Variants in KLB observed in about 807,000 individuals in gnomAD.
KLB encodes klotho beta.
A neutral mutation model predicts 88.4 loss-of-function variants in KLB; 44 were observed. That is an observed-to-expected ratio of 0.50 (90% CI 0.39 to 0.64). KLB has a LOEUF of 0.64. Among genes scored for constraint, KLB ranks in the 30% least tolerant of loss-of-function variants. The pLI is 0.00. For synonymous variants in KLB, 548 were observed against 513.4 expected, an observed-to-expected ratio of 1.07 and a Z score of -0.91; for missense variants, 1,137 against 1,304.8, an observed-to-expected ratio of 0.87 and a Z score of 1.98.
In KLB at chr4:39,451,285, G is replaced by A. The variant is rs1743892001; in HGVS notation, c.*2599G>A. On this transcript the variant is annotated 3_prime_UTR_variant, in exon 5 of 5. Transcript: ENST00000257408. ...CATAAACTCCTTAAAAACCATCAAA[G>A]GTCAACCAGAAACTGATAACTCTTG... 6.6e-6 allele frequency: 1 copy of A among 152,162 alleles called. No individual in the cohort carries two copies. The highest frequency in any genetic ancestry group is 1.5e-5 in the Non-Finnish European group (1 of 68,036). The allele number at this position is 152,162 out of a possible 1,614,324, so 9.4% of individuals were successfully genotyped here. A position where few individuals can be genotyped will look rare whatever the true frequency, so the allele number is the denominator to read the frequency against.
Position 39,448,452 on chromosome 4 carries a change from C to T in KLB, c.2901C>T (p.Phe967=). ...FYNKVISSRG[F]PFENSSSRCS... ...ACAAAGTGATCAGCAGCAGGGGCTTCCCTTTTGAGAACAGTAGTTCTAGAT... is the reference window on the plus strand; with the variant it reads ...ACAAAGTGATCAGCAGCAGGGGCTTTCCTTTTGAGAACAGTAGTTCTAGAT... The change falls in exon 5 of 5, where the codon TTC becomes TTT. Residue 967 remains phenylalanine, a synonymous_variant. Coordinates refer to ENST00000257408, the MANE Select transcript of KLB (RefSeq NM_175737.4). 1 of 1,614,112 alleles carries T rather than the reference C, an allele frequency of 6.2e-7. No homozygotes were observed. Among genetic ancestry groups the T allele is most frequent in the African/African-American group, 1.3e-5 (1 of 75,054 alleles).
In KLB at chr4:39,446,270, C is replaced by T; in HGVS notation, c.1606-62C>T. On this transcript the variant is annotated intron_variant, in intron 3 of 4. Coordinates refer to ENST00000257408, the MANE Select transcript of KLB (RefSeq NM_175737.4). The surrounding 1 kb of genome is among the most constrained non-coding windows in gnomAD (Gnocchi z 6.4). ...CAGCACTTTGGGAGGCAGAGGTAGG[C>T]AGATCACTTGAGCCTCCATCTGCCA... The T allele has an allele frequency of 6.8e-7, 1 of 1,466,546 alleles. No individual in the cohort carries two copies. The allele number at this position is 1,466,546 out of a possible 1,614,324, so 90.8% of individuals were successfully genotyped here. A position where few individuals can be genotyped will look rare whatever the true frequency, so the allele number is the denominator to read the frequency against.
intron 1 of KLB, among the ~76,000 whole-genome samples, chr4:39,424,691 G>A (rs1199372392): frequency 2.7e-5 from 4 of 148,934 alleles, no homozygotes; most frequent in Admixed American, 2.6e-4. Context: ...GAGTGCAGTG[G>A]CGCTATCTCG....
At chr4:39,430,409 G>GAAA (rs4008368) in intron 1 of KLB, among the ~76,000 whole-genome samples, 7 of 134,086 alleles carry the variant, frequency 5.2e-5, no homozygotes, top group African/African-American at 1.8e-4. Flanking sequence ...TTTCTAATTA[G>GAAA]AAAAAAAAAA....
At chr4:39,445,089 C>G (rs1245151225) in intron 3 of KLB, among the ~76,000 whole-genome samples, 1 of 152,142 alleles carries the variant, frequency 6.6e-6, no homozygotes, top group African/African-American at 2.4e-5. Flanking sequence ...AGTTTGGACT[C>G]AAGGGCCTAG....
chr4:39,434,711 G>T lies in KLB; in HGVS notation c.1327G>T (p.Val443Leu), dbSNP rs1230515356. 1 of 1,610,658 alleles carries T rather than the reference G, an allele frequency of 6.2e-7. No individual in the cohort carries two copies. Reference sequence around the variant, plus strand: ...CATGATGAAGAATTTCCTCAGCCAGGTGCTTCAAGGTTGGTTGTACACTTG... The same window carrying T: ...CATGATGAAGAATTTCCTCAGCCAGTTGCTTCAAGGTTGGTTGTACACTTG... ...IYMMKNFLSQ[V>L]LQAIRLDEIR... The change falls in exon 2 of 5, where the codon GTG (valine) becomes TTG (leucine). Residue 443 changes from valine (V) to leucine (L), a missense_variant. Coordinates refer to ENST00000257408, the MANE Select transcript of KLB (RefSeq NM_175737.4).
Position 39,447,255 on chromosome 4 carries a change from G to A in KLB, c.2529G>A (p.Ser843=). The change falls in exon 4 of 5, where the codon TCG becomes TCA. Residue 843 remains serine (S), a synonymous_variant. Transcript: ENST00000257408. The part of the protein sequence containing the change: ...HEQLAGSRYD[S]DRDIQFLQDI... Reference sequence around the variant, plus strand: ...AGCTGGCCGGCAGCCGCTACGACTCGGACAGGGACATCCAGTTTCTGCAGG... The same window carrying A: ...AGCTGGCCGGCAGCCGCTACGACTCAGACAGGGACATCCAGTTTCTGCAGG... 1.9e-6 allele frequency: 3 copies of A among 1,614,092 alleles called. 1 individual carries two copies. Among genetic ancestry groups the A allele is most frequent in the East Asian group, 2.2e-5 (1 of 44,876 alleles).
chr4:39,443,987 T>C (rs1743678229), intron 3 of KLB, among the ~76,000 whole-genome samples: 1 of 151,408 alleles, frequency 6.6e-6, no homozygotes, highest in African/African-American at 2.4e-5. Flanking sequence ...TGAAGCCCCG[T>C]CTCTAATAAA....
Position 39,446,552 on chromosome 4 carries a change from C to T in KLB, c.1826C>T (p.Thr609Ile), listed in dbSNP as rs889826340. Residue 609 changes from threonine (T) to isoleucine (I), a missense_variant, in exon 4 of 5, where the codon ACT (threonine) becomes ATT (isoleucine). This residue lies in a region of KLB where 597 missense variants were observed against 765.2 expected (regional missense o/e 0.78). Coordinates refer to ENST00000257408, the MANE Select transcript of KLB (RefSeq NM_175737.4). The surrounding 1 kb of genome is among the most constrained non-coding windows in gnomAD (Gnocchi z 6.4). ...FALDWASVLP[T>I]GNLSAVNRQA... is the part of the protein sequence containing the mutation. ...CTGGATTGGGCCTCGGTCCTTCCCA[C>T]TGGCAACCTGTCCGCGGTGAACCGA... is the stretch of plus-strand genomic sequence containing the variant. The T allele has an allele frequency of 1.2e-6, 2 of 1,614,258 alleles. No individual in the cohort carries two copies. The highest frequency in any genetic ancestry group is 1.7e-5 in the Admixed American group (1 of 60,030).
rs190810991 is a variant in KLB, at chr4:39,418,196, T to A, written c.825+10422T>A. On this transcript the variant is annotated intron_variant, in intron 1 of 4. Transcript: ENST00000257408. ...TTAATTATTTGCTCAAAATTTAGCA[T>A]CCCATTAAAGTGATGTTAAATCACT... 1.9e-3 allele frequency among the ~76,000 whole-genome samples: 297 copies of A among 152,346 alleles called. 1 individual carries two copies. Among genetic ancestry groups the A allele is most frequent in the Non-Finnish European group, 3.1e-3 (212 of 68,028 alleles).
chr4:39,435,755 T>C (rs1743460034), intron 2 of KLB, among the ~76,000 whole-genome samples: 1 of 152,194 alleles, frequency 6.6e-6, no homozygotes, highest in African/African-American at 2.4e-5. Context: ...ACAGCACTTT[T>C]TTATGTTATT....
chr4:39,421,503 A>G (rs1743082387), intron 1 of KLB, among the ~76,000 whole-genome samples: 1 of 152,164 alleles, frequency 6.6e-6, no homozygotes, highest in South Asian at 2.1e-4. Context: ...TAATCCCAAC[A>G]CTTTAGGAGG....
At chr4:39,443,366 C>T (rs2109842966) in intron 3 of KLB, among the ~76,000 whole-genome samples, 1 of 151,216 alleles carries the variant, frequency 6.6e-6, no homozygotes, top group African/African-American at 2.4e-5. Flanking sequence ...CCTGTCCCTC[C>T]TCCCTACTCC....
Position 39,407,130 on chromosome 4 carries a change from T to A in KLB, c.181T>A (p.Trp61Arg), listed in dbSNP as rs1742745880. 6.2e-7 allele frequency: 1 copy of A among 1,614,066 alleles called. No homozygotes were observed. Among genetic ancestry groups the A allele is most frequent in the Admixed American group, 1.7e-5 (1 of 59,994 alleles). The change falls in exon 1 of 5, where the codon TGG becomes AGG. Residue 61 changes from tryptophan (W) to arginine (R), a missense_variant. By Grantham distance (101) the Trp-to-Arg change is moderately radical. Around this residue, in one of 4 missense-constraint regions of KLB, gnomAD observed 111 missense variants for 118.3 expected, o/e 0.94. Coordinates refer to ENST00000257408, the MANE Select transcript of KLB (RefSeq NM_175737.4). ...ATTCTCTGGAGATGGAAGAGCTATA[T>A]GGTCTAAAAATCCTAATTTTACTCC... ...TGFSGDGRAI[W>R]SKNPNFTPVN...
Position 39,407,694 on chromosome 4 carries a change from G to A in KLB, c.745G>A (p.Gly249Arg). 1 of 1,614,126 alleles carries A rather than the reference G, an allele frequency of 6.2e-7. No individual in the cohort carries two copies. Among genetic ancestry groups the A allele is most frequent in the Non-Finnish European group, 8.5e-7 (1 of 1,179,972 alleles). Residue 249 changes from glycine (G) to arginine (R), a missense_variant, in exon 1 of 5, where the codon GGG becomes AGG. Physicochemically the swap from Gly to Arg is moderately radical, Grantham distance 125. Transcript: ENST00000257408. ...CAACCCATATCTAGTGGCTTGGCAT[G>A]GGTATGGGACAGGTATGCATGCCCC... ...IHNPYLVAWH[G>R]YGTGMHAPGE...
intron 1 of KLB, among the ~76,000 whole-genome samples, chr4:39,412,898 T>A (rs980198958): frequency 1.3e-5 from 2 of 152,258 alleles, no homozygotes; most frequent in Non-Finnish European, 2.9e-5. Flanking sequence ...TCAAGTTCAA[T>A]CTTCATATTT....
chr4:39,427,741 T>G (rs539216225), intron 1 of KLB, among the ~76,000 whole-genome samples: 6 of 152,350 alleles, frequency 3.9e-5, no homozygotes, highest in Admixed American at 2.6e-4. Context: ...CAGCTTGCTC[T>G]TTCAAAGTAC....
chr4:39,409,266 T>C (rs1742789275), intron 1 of KLB, among the ~76,000 whole-genome samples: 2 of 148,706 alleles, frequency 1.3e-5, no homozygotes, highest in Non-Finnish European at 3.0e-5. Context: ...GTTAGAAAAA[T>C]ATTCCTCTCA....
intron 2 of KLB, among the ~76,000 whole-genome samples, chr4:39,435,365 GC>G (rs1295795960): frequency 6.6e-6 from 1 of 151,882 alleles, no homozygotes; most frequent in Non-Finnish European, 1.5e-5. Context: ...TGATCCACTC[GC>G]CTCGGCCTCC....
Sources: allele counts gnomAD v4.1 joint callset (sites outside exome capture counted in the v4.1 genomes callset), GRCh38; gene constraint gnomAD v4.1.1; regional missense constraint gnomAD v4.1.1; non-coding constraint Gnocchi (gnomAD v3.1); transcripts MANE v1.5; gene names NCBI Gene and HGNC (gene_info 2026-07-23, HGNC 2026-07-21).